ELAPOR2: variants seen among roughly 807,000 people sequenced by gnomAD.
ELAPOR2 encodes the protein endosome/lysosome-associated apoptosis and autophagy regulator family member 2.
In ELAPOR2, 89 loss-of-function variants were observed where a neutral mutation model predicts 120.7. That is an observed-to-expected ratio of 0.74 (90% CI 0.62 to 0.88). The LOEUF is 0.88. Ranked by LOEUF, ELAPOR2 falls within the 40% of genes least tolerant of loss-of-function variation. The pLI is 0.00. For missense variants in ELAPOR2, 1,134 were observed against 1,251.6 expected (o/e 0.91, Z 1.42); for synonymous variants, 444 against 444.9 (o/e 1.00, Z 0.03).
At chr7:87,029,477 T>C (rs774712051) in intron 1 of ELAPOR2, among the ~76,000 whole-genome samples, 4 of 152,220 alleles carry the variant, frequency 2.6e-5, no homozygotes, top group Non-Finnish European at 4.4e-5. Flanking sequence ...ATGAGTTCCT[T>C]AAAGAAAGGA....
In ELAPOR2 at chr7:86,895,365, T is replaced by A. The variant is rs961926504; in HGVS notation, c.2685+2141A>T. Among the ~76,000 whole-genome samples the A allele has an allele frequency of 2.0e-5, 3 of 152,114 alleles. No homozygotes were observed. In the South Asian group the frequency reaches 6.2e-4, roughly 31 times the overall value. On this transcript the variant is annotated intron_variant, in intron 19 of 21. Transcript: ENST00000450689. ...TTGCAATGGAATACATTAAGTAAGG[T>A]CTATGAACTCAGGAATGACATTCAT...
At chr7:86,971,455 A>T (rs1322655297) in intron 1 of ELAPOR2, among the ~76,000 whole-genome samples, 1 of 152,186 alleles carries the variant, frequency 6.6e-6, no homozygotes, top group Non-Finnish European at 1.5e-5. Flanking sequence ...ATGAACTAAA[A>T]CCCTCATCGA....
chr7:86,997,347 G>A (rs2116618843), intron 1 of ELAPOR2, among the ~76,000 whole-genome samples: 1 of 152,252 alleles, frequency 6.6e-6, no homozygotes, highest in East Asian at 1.9e-4. Context: ...TCTCATATAA[G>A]TGCTAAATCT....
chr7:86,939,016 T>C (rs982582454), intron 6 of ELAPOR2, 56 bp from the exon 7 acceptor site: 1 of 1,592,974 alleles, frequency 6.3e-7, no homozygotes, highest in Admixed American at 1.7e-5. Context: ...AATAAGCAAA[T>C]CAGCACCTAC....
intron 1 of ELAPOR2, among the ~76,000 whole-genome samples, chr7:87,021,481 C>A (rs759054967): frequency 6.6e-6 from 1 of 152,142 alleles, no homozygotes; most frequent in Non-Finnish European, 1.5e-5. Flanking sequence ...CATAAGGAAA[C>A]AATATATTTA....
chr7:86,905,135 GA>G (rs1447813833), intron 18 of ELAPOR2, among the ~76,000 whole-genome samples: 275 of 130,382 alleles, frequency 2.1e-3, no homozygotes, highest in African/African-American at 7.3e-3. Context: ...AGGAAAGAAA[GA>G]AAAGAAAAGA....
intron 4 of ELAPOR2, among the ~76,000 whole-genome samples, chr7:86,942,594 A>G (rs1298842837): frequency 1.3e-5 from 2 of 152,076 alleles, no homozygotes; most frequent in Non-Finnish European, 2.9e-5. Flanking sequence ...ATCCAAATGC[A>G]AAAGTAAGTG....
intron 2 of ELAPOR2, among the ~76,000 whole-genome samples, chr7:86,948,697 C>T (rs1791106933): frequency 6.6e-6 from 1 of 151,754 alleles, no homozygotes; most frequent in Non-Finnish European, 1.5e-5. Flanking sequence ...CCCAGAGATA[C>T]TAGATACGAC....
intron 21 of ELAPOR2, among the ~76,000 whole-genome samples, chr7:86,886,685 T>C (rs932912980): frequency 6.6e-6 from 1 of 152,150 alleles, no homozygotes; most frequent in South Asian, 2.1e-4. Context: ...CAAATACGAA[T>C]GGCATATATT....
intron 12 of ELAPOR2, among the ~76,000 whole-genome samples, chr7:86,917,130 A>G (rs1789604769): frequency 6.6e-6 from 1 of 151,734 alleles, no homozygotes; most frequent in South Asian, 2.1e-4. Context: ...ATGTTTAAGG[A>G]TAATTTTAGT....
chr7:87,055,181 C>T (rs117249959), intron 1 of ELAPOR2, among the ~76,000 whole-genome samples: 6 of 152,332 alleles, frequency 3.9e-5, no homozygotes, highest in Non-Finnish European at 5.9e-5. Flanking sequence ...CTCAACAGCT[C>T]TACATAAAGT....
intron 1 of ELAPOR2, among the ~76,000 whole-genome samples, chr7:86,997,329 C>T (rs1171381627): frequency 6.6e-6 from 1 of 152,064 alleles, no homozygotes; most frequent in Non-Finnish European, 1.5e-5. Flanking sequence ...CTATGGTTCT[C>T]CAGAGATTCT....
At chr7:86,994,018 C>G (rs1634994) in intron 1 of ELAPOR2, among the ~76,000 whole-genome samples, 6,870 of 152,284 alleles carry the variant, frequency 0.045, 169 homozygotes, top group Non-Finnish European at 0.054. Context: ...TGACATCATT[C>G]CTCAGATTTC....
Position 86,964,962 on chromosome 7 carries a change from A to C in ELAPOR2, c.252T>G (p.Ile84Met). Residue 84 changes from isoleucine (I) to methionine (M), a missense_variant, in exon 2 of 22, where the codon ATT becomes ATG. Physicochemically the swap from Ile to Met is conservative, Grantham distance 10 (BLOSUM62 1). Transcript: ENST00000450689. ...CAGAGCAGTCCACTGCAGAATTTGG[A>C]ATGGCAACTCTCCACCTGGAGCCAC... is the stretch of plus-strand genomic sequence containing the variant. ...DSSGSRWRVAIPNSAVDCSGL... is the reference protein window; with the variant it reads ...DSSGSRWRVAMPNSAVDCSGL... 1 of 1,551,586 alleles carries C rather than the reference A, an allele frequency of 6.4e-7. No homozygotes were observed. The highest frequency in any genetic ancestry group is 8.7e-7 in the Non-Finnish European group (1 of 1,146,866).
Position 86,919,265 on chromosome 7 carries a change from G to A in ELAPOR2, c.1445C>T (p.Ser482Phe), listed in dbSNP as rs367868182. The change falls in exon 11 of 22, where the codon TCT becomes TTT. Residue 482 changes from serine to phenylalanine, a missense_variant. Physicochemically the swap from Ser to Phe is radical, Grantham distance 155 (BLOSUM62 -2). This residue lies in a region of ELAPOR2 where 831 missense variants were observed against 867.6 expected (regional missense o/e 0.96). Transcript: ENST00000450689. Reference sequence around the variant, plus strand: ...GTTTAAGATCAGGTAATCATTGTCAGAACCTCCAGCCCCACTCTGGATATG... The same window carrying A: ...GTTTAAGATCAGGTAATCATTGTCAAAACCTCCAGCCCCACTCTGGATATG... ...GDHIQSGAGG[S>F]DNDYLILNLH... is the part of the protein sequence containing the mutation. The A allele has an allele frequency of 1.2e-6, 2 of 1,612,114 alleles. No individual in the cohort carries two copies. The highest frequency in any genetic ancestry group is 1.7e-6 in the Non-Finnish European group (2 of 1,178,890).
At chr7:87,001,169 C>T (rs964520409) in intron 1 of ELAPOR2, among the ~76,000 whole-genome samples, 6 of 152,072 alleles carry the variant, frequency 3.9e-5, no homozygotes, top group Admixed American at 1.3e-4. Context: ...AGGAGGGAGA[C>T]AAGCAAATAG....
intron 18 of ELAPOR2, among the ~76,000 whole-genome samples, chr7:86,902,888 T>C (rs1383884404): frequency 1.3e-5 from 2 of 152,190 alleles, no homozygotes; most frequent in African/African-American, 4.8e-5. Flanking sequence ...CCCTACTCTT[T>C]CCTGGATGTG....
chr7:86,995,509 A>C (rs1241732443), intron 1 of ELAPOR2, among the ~76,000 whole-genome samples: 1 of 152,214 alleles, frequency 6.6e-6, no homozygotes, highest in African/African-American at 2.4e-5. Flanking sequence ...AGAAGAAAGC[A>C]AGCTGGAAGG....
chr7:86,907,522 C>G (rs1562911999), intron 18 of ELAPOR2, 148 bp downstream of exon 18: 1 of 563,628 alleles, frequency 1.8e-6, no homozygotes, highest in East Asian at 3.3e-5. Flanking sequence ...ACACACTCAG[C>G]ACATTCCCTA....
Sources: allele counts gnomAD v4.1 joint callset (sites outside exome capture counted in the v4.1 genomes callset), GRCh38; gene constraint gnomAD v4.1.1; regional missense constraint gnomAD v4.1.1; transcripts MANE v1.5; gene names NCBI Gene and HGNC (gene_info 2026-07-23, HGNC 2026-07-21).